The following MAPKAP1 variants were observed in gnomAD, a reference collection of about 807,000 sequenced individuals.
MAPKAP1 encodes the protein MAPK associated protein 1.
MAPKAP1 carries 20 observed loss-of-function variants against 65.7 expected under a neutral mutation model. The ratio of observed to expected loss-of-function variants is 0.30; its 90% CI spans 0.21 to 0.44. MAPKAP1 has a LOEUF of 0.44. Ranked by LOEUF, MAPKAP1 falls within the 20% of genes least tolerant of loss-of-function variation. MAPKAP1 has a pLI of 1.00. For synonymous variants in MAPKAP1, 222 were observed against 244.3 expected (o/e 0.91, Z 0.85); for missense variants, 423 against 648.0 (o/e 0.65, Z 3.77).
At chr9:125,605,405 A>T (rs146695993) in intron 4 of MAPKAP1, among the ~76,000 whole-genome samples, 1 of 152,312 alleles carries the variant, frequency 6.6e-6, no homozygotes, top group African/African-American at 2.4e-5. Flanking sequence ...AATGTGCCCC[A>T]ATCTATTAAC....
intron 5 of MAPKAP1, among the ~76,000 whole-genome samples, chr9:125,571,353 AG>A (rs1386201296): frequency 1.3e-5 from 2 of 152,196 alleles, no homozygotes; most frequent in African/African-American, 4.8e-5. Flanking sequence ...CCTCTTTAGA[AG>A]GTGGTTTATA....
chr9:125,555,229 G>A (rs1830703440), intron 6 of MAPKAP1, among the ~76,000 whole-genome samples: 1 of 152,162 alleles, frequency 6.6e-6, no homozygotes. Context: ...TGAGACTTTA[G>A]GAGAATTTAT....
chr9:125,704,385 A>G (rs1835696717), intron 1 of MAPKAP1, among the ~76,000 whole-genome samples: 1 of 152,182 alleles, frequency 6.6e-6, no homozygotes, highest in Non-Finnish European at 1.5e-5. Context: ...ATTACCTACC[A>G]TCATCAGTGT....
intron 4 of MAPKAP1, among the ~76,000 whole-genome samples, chr9:125,645,078 C>T (rs1413056712): frequency 6.6e-6 from 1 of 151,786 alleles, no homozygotes; most frequent in Admixed American, 6.6e-5. Context: ...TTTGTGTCTG[C>T]GCATAAAAAG....
At chr9:125,482,148 A>AAAAAAAG (rs60516268) in intron 9 of MAPKAP1, among the ~76,000 whole-genome samples, 2 of 116,982 alleles carry the variant, frequency 1.7e-5, no homozygotes, top group Non-Finnish European at 3.5e-5. Flanking sequence ...AAAAAAAAAA[A>AAAAAAAG]AAGAAGAAGA....
chr9:125,520,096 T>A (rs1829577367), intron 7 of MAPKAP1, among the ~76,000 whole-genome samples: 1 of 152,238 alleles, frequency 6.6e-6, no homozygotes, highest in South Asian at 2.1e-4. Flanking sequence ...ACATGTTATG[T>A]AATCCTGGGT....
At chr9:125,531,297 G>A (rs535520796) in intron 7 of MAPKAP1, among the ~76,000 whole-genome samples, 2 of 152,172 alleles carry the variant, frequency 1.3e-5, no homozygotes, top group African/African-American at 2.4e-5. Context: ...CTAGCTGTGC[G>A]ACCTCAGCAA....
At chr9:125,573,740 C>A (rs1226210166) in intron 5 of MAPKAP1, among the ~76,000 whole-genome samples, 3 of 152,162 alleles carry the variant, frequency 2.0e-5, no homozygotes, top group African/African-American at 4.8e-5. Flanking sequence ...CATGCTTCCT[C>A]CAGCAATAAG....
At position 125,660,926 on chromosome 9, in the gene MAPKAP1, C is replaced by T. The variant is rs994706783; in HGVS notation, c.350-3127G>A. Among the ~76,000 whole-genome samples, 18 of 151,964 alleles carry T rather than the reference C, an allele frequency of 1.2e-4. 1 individual carries two copies. Among genetic ancestry groups the T allele is most frequent in the Non-Finnish European group, 1.5e-5 (1 of 67,988 alleles). ...GGAGAAAAATTGATAAACCTGACCA[C>T]ATGAAAAGAAAACACTTCTGTATGG... On this transcript the variant is annotated intron_variant, in intron 3 of 11. Coordinates refer to ENST00000265960, the MANE Select transcript of MAPKAP1 (RefSeq NM_001006617.3).
chr9:125,613,947 G>A (rs990548747), intron 4 of MAPKAP1, among the ~76,000 whole-genome samples: 5 of 152,104 alleles, frequency 3.3e-5, no homozygotes, highest in East Asian at 1.9e-4. Flanking sequence ...ACAGGCGCCC[G>A]CCACCACGCT....
chr9:125,675,865 T>G (rs976101410), intron 1 of MAPKAP1, among the ~76,000 whole-genome samples: 1 of 152,212 alleles, frequency 6.6e-6, no homozygotes, highest in Non-Finnish European at 1.5e-5. Context: ...TTGTCTTTTT[T>G]TCGTAATACA....
intron 8 of MAPKAP1, among the ~76,000 whole-genome samples, chr9:125,495,767 C>T (rs572972986): frequency 4.7e-4 from 71 of 152,328 alleles, no homozygotes; most frequent in Non-Finnish European, 1.6e-4. Context: ...TGCTTCAAGA[C>T]AGGTCAGCAC....
At chr9:125,480,034 G>A (rs150685346) in intron 9 of MAPKAP1, among the ~76,000 whole-genome samples, 151 of 152,290 alleles carry the variant, frequency 9.9e-4, no homozygotes, top group African/African-American at 3.5e-3. Flanking sequence ...CATACAGGGT[G>A]TGCTGTTTGC....
At chr9:125,701,821 C>CTAAAGTATA (rs1835608572) in intron 1 of MAPKAP1, among the ~76,000 whole-genome samples, 1 of 152,166 alleles carries the variant, frequency 6.6e-6, no homozygotes, top group Non-Finnish European at 1.5e-5. Context: ...TCTCACCAGC[C>CTAAAGTATA]AGATCTATAC....
chr9:125,485,379 G>C (rs1439389929), intron 8 of MAPKAP1, among the ~76,000 whole-genome samples: 1 of 152,196 alleles, frequency 6.6e-6, no homozygotes, highest in African/African-American at 2.4e-5. Flanking sequence ...TGCATGCTAA[G>C]TACTCTGATA....
chr9:125,703,497 A>T (rs1312021257), intron 1 of MAPKAP1, among the ~76,000 whole-genome samples: 1 of 152,140 alleles, frequency 6.6e-6, no homozygotes, highest in Non-Finnish European at 1.5e-5. Flanking sequence ...TGTGGCCACG[A>T]ATGGTGGCTC....
intron 8 of MAPKAP1, among the ~76,000 whole-genome samples, chr9:125,497,270 G>A (rs923778960): frequency 2.0e-5 from 3 of 152,196 alleles, no homozygotes; most frequent in Non-Finnish European, 4.4e-5. Context: ...ATTTCATTAA[G>A]TGCTGAAATA....
intron 6 of MAPKAP1, among the ~76,000 whole-genome samples, chr9:125,547,187 C>T (rs532932860): frequency 1.1e-4 from 16 of 152,216 alleles, no homozygotes; most frequent in Non-Finnish European, 2.1e-4. Flanking sequence ...TATGCCAGCA[C>T]GAACCCAACG....
intron 7 of MAPKAP1, among the ~76,000 whole-genome samples, chr9:125,519,933 G>A (rs1030378173): frequency 2.6e-5 from 4 of 152,126 alleles, no homozygotes; most frequent in Non-Finnish European, 4.4e-5. Flanking sequence ...TGTGGGTAGA[G>A]AAAAGGTCTG....
Sources: gnomAD v4.1 joint callset for allele counts (sites outside exome capture counted in the v4.1 genomes callset) on GRCh38, gnomAD v4.1.1 for gene constraint, MANE v1.5 for transcripts, NCBI Gene and HGNC (gene_info 2026-07-23, HGNC 2026-07-21) for gene names.